PARD3B: variants seen among roughly 807,000 people sequenced by gnomAD.
PARD3B encodes the protein par-3 family cell polarity regulator beta.
PARD3B carries 103 observed loss-of-function variants against 130.2 expected under a neutral mutation model. The ratio of observed to expected loss-of-function variants is 0.79; its 90% CI spans 0.67 to 0.93. The LOEUF is 0.93. Among genes scored for constraint, PARD3B ranks in the 40% least tolerant of loss-of-function variants. PARD3B has a pLI of 0.00. For synonymous variants in PARD3B, 583 were observed against 553.2 expected, an observed-to-expected ratio of 1.05 and a Z score of -0.76; for missense variants, 1,609 against 1,499.2, an observed-to-expected ratio of 1.07 and a Z score of -1.21.
intron 15 of PARD3B, among the ~76,000 whole-genome samples, chr2:205,216,005 G>A (rs2037886753): frequency 6.6e-6 from 1 of 152,098 alleles, no homozygotes. Flanking sequence ...ATAGTAGTGT[G>A]TATGTGTGTG....
chr2:205,304,806 A>G (rs1457711294), intron 18 of PARD3B, among the ~76,000 whole-genome samples: 1 of 151,654 alleles, frequency 6.6e-6, no homozygotes, highest in Non-Finnish European at 1.5e-5. Context: ...TTAGCTGGGC[A>G]TGGTGGCATG....
intron 16 of PARD3B, among the ~76,000 whole-genome samples, chr2:205,256,765 G>T (rs970620480): frequency 3.3e-5 from 5 of 152,100 alleles, no homozygotes; most frequent in Admixed American, 1.3e-4. Context: ...CAGGAAAAGG[G>T]AGCTTCTAGT....
chr2:204,581,718 G>C (rs1327411048), intron 1 of PARD3B, among the ~76,000 whole-genome samples: 1 of 152,146 alleles, frequency 6.6e-6, no homozygotes, highest in Non-Finnish European at 1.5e-5. Flanking sequence ...CTGTTTTCAG[G>C]ATGCAAAAGC....
At chr2:204,837,820 T>G (rs2044103510) in intron 2 of PARD3B, among the ~76,000 whole-genome samples, 1 of 152,210 alleles carries the variant, frequency 6.6e-6, no homozygotes, top group African/African-American at 2.4e-5. Flanking sequence ...TCTGGAATTC[T>G]AATGGATAAG....
Position 205,281,141 on chromosome 2 carries a change from A to C in PARD3B, c.2186-19389A>C, listed in dbSNP as rs1352208711. ...TGGGCTGCTGGGGAGGGGCATAGGC[A>C]GCCATAAAATGAAGCCGTAAACATT... On this transcript the variant is annotated intron_variant, in intron 16 of 22. Coordinates refer to ENST00000406610, the MANE Select transcript of PARD3B (RefSeq NM_001302769.2). The surrounding 1 kb of genome is among the most constrained non-coding windows in gnomAD (Gnocchi z 4.2). Among the ~76,000 whole-genome samples the C allele has an allele frequency of 6.6e-6, 1 of 152,162 alleles. No individual in the cohort carries two copies. Among genetic ancestry groups the C allele is most frequent in the African/African-American group, 2.4e-5 (1 of 41,434 alleles).
At chr2:204,945,439 A>G (rs992262086) in intron 2 of PARD3B, among the ~76,000 whole-genome samples, 3 of 152,188 alleles carry the variant, frequency 2.0e-5, no homozygotes, top group Non-Finnish European at 4.4e-5. Flanking sequence ...AAGCTCCTCA[A>G]AGGGAAAGCT....
intron 1 of PARD3B, among the ~76,000 whole-genome samples, chr2:204,557,700 T>C (rs550776874): frequency 1.3e-5 from 2 of 152,346 alleles, no homozygotes; most frequent in South Asian, 4.1e-4. Flanking sequence ...GTGCAACTTT[T>C]CTCTTGATTA....
intron 2 of PARD3B, among the ~76,000 whole-genome samples, chr2:204,793,178 C>G (rs1559148963): frequency 1.3e-5 from 2 of 151,902 alleles, no homozygotes; most frequent in Non-Finnish European, 2.9e-5. Context: ...CACTTTTTCT[C>G]TTTTTTTTCC....
chr2:205,034,676 A>T (rs1041211114), intron 3 of PARD3B, among the ~76,000 whole-genome samples: 3 of 152,198 alleles, frequency 2.0e-5, no homozygotes, highest in African/African-American at 4.8e-5. Flanking sequence ...AGCAGCAATA[A>T]TTTTTTAAAA....
intron 2 of PARD3B, among the ~76,000 whole-genome samples, chr2:204,764,887 A>G (rs1423021763): frequency 6.6e-6 from 1 of 151,904 alleles, no homozygotes; most frequent in Admixed American, 6.6e-5. Flanking sequence ...TCTTAGATTC[A>G]TTTGAGTTTT....
In PARD3B at chr2:205,084,521, G is replaced by GT. The variant is rs1477972263; in HGVS notation, c.505-19900dup. 5.9e-5 allele frequency among the ~76,000 whole-genome samples: 9 copies of GT among 152,048 alleles called. No homozygotes were observed. In the Middle Eastern group the frequency reaches 0.014, roughly 230 times the overall value. Reference sequence around the variant, plus strand: ...ATTCACCATCACTCTTTCATTTGATGTTTTTATCACCTATTGCAATCGTTC... The same window carrying GT: ...ATTCACCATCACTCTTTCATTTGATGTTTTTTATCACCTATTGCAATCGTTC... On this transcript the variant is annotated intron_variant, in intron 4 of 22. Coordinates refer to ENST00000406610, the MANE Select transcript of PARD3B (RefSeq NM_001302769.2).
chr2:204,926,243 A>T (rs906632071), intron 2 of PARD3B, among the ~76,000 whole-genome samples: 3 of 152,090 alleles, frequency 2.0e-5, no homozygotes, highest in Admixed American at 6.5e-5. Flanking sequence ...TGGGGAATGG[A>T]TGGTGCTTGG....
At chr2:204,834,905 A>G (rs922879557) in intron 2 of PARD3B, among the ~76,000 whole-genome samples, 5 of 152,216 alleles carry the variant, frequency 3.3e-5, no homozygotes, top group Admixed American at 6.5e-5. Flanking sequence ...GTTGATTGCA[A>G]TAGTGTGATG....
At chr2:205,357,431 C>G (rs745452916) in intron 18 of PARD3B, among the ~76,000 whole-genome samples, 27 of 152,254 alleles carry the variant, frequency 1.8e-4, no homozygotes, top group Admixed American at 3.3e-4. Context: ...AACCCAAAGT[C>G]TATGCGTTAG....
chr2:205,344,011 A>G (rs1407831377), intron 18 of PARD3B, among the ~76,000 whole-genome samples: 9 of 152,096 alleles, frequency 5.9e-5, no homozygotes, highest in Admixed American at 5.2e-4. Flanking sequence ...CAAGGAGGCT[A>G]TTTTCTTAGT....
In PARD3B at chr2:204,941,246, T is replaced by G. The variant is rs76204625; in HGVS notation, c.223-23906T>G. 9.6e-3 allele frequency among the ~76,000 whole-genome samples: 1,458 copies of G among 152,272 alleles called. 25 individuals are homozygous for G. Among genetic ancestry groups the G allele is most frequent in the African/African-American group, 0.033 (1,383 of 41,562 alleles). On this transcript the variant is annotated intron_variant, in intron 2 of 22. Transcript: ENST00000406610. ...AAAATTAGCAGGGCGTGGTGGCACGTGCCCATAGTCCCGGCTATTCAGGAG... is the reference window on the plus strand; with the variant it reads ...AAAATTAGCAGGGCGTGGTGGCACGGGCCCATAGTCCCGGCTATTCAGGAG...
At chr2:205,185,664 T>G in intron 13 of PARD3B, 100 bp from the exon 14 acceptor site, 1 of 870,862 alleles carries the variant, frequency 1.1e-6, no homozygotes, top group Non-Finnish European at 1.9e-6. Context: ...CTGGTTTATG[T>G]GTTGGCTAAA....
chr2:205,291,722 A>G lies in PARD3B; in HGVS notation c.2186-8808A>G, dbSNP rs976986080. On this transcript the variant is annotated intron_variant, in intron 16 of 22. Transcript: ENST00000406610. This position sits in a 1 kb window ranked among gnomAD's most constrained non-coding sequence, Gnocchi z 4.6. ...AAATGACCTAAAGATGGAATTGTCC[A>G]TCAAAAAGGAAGCAGAGCTTAAAGA... Among the ~76,000 whole-genome samples, 6 of 152,236 alleles carry G rather than the reference A, an allele frequency of 3.9e-5. No individual in the cohort carries two copies. Among genetic ancestry groups the G allele is most frequent in the Non-Finnish European group, 8.8e-5 (6 of 68,016 alleles).
chr2:204,988,744 G>A (rs1693393938), intron 3 of PARD3B, among the ~76,000 whole-genome samples: 1 of 152,114 alleles, frequency 6.6e-6, no homozygotes, highest in South Asian at 2.1e-4. Context: ...TCATACTCCT[G>A]AACTGACTTA....
Sources: gnomAD v4.1 joint callset for allele counts (sites outside exome capture counted in the v4.1 genomes callset) on GRCh38, gnomAD v4.1.1 for gene constraint, Gnocchi (gnomAD v3.1) non-coding constraint, MANE v1.5 for transcripts, NCBI Gene and HGNC (gene_info 2026-07-23, HGNC 2026-07-21) for gene names.